The following PRUNE2 variants were observed in gnomAD, a reference collection of about 807,000 sequenced individuals.
The protein encoded by PRUNE2 is protein prune homolog 2.
A neutral mutation model predicts 252.0 loss-of-function variants in PRUNE2; 164 were observed. The observed-to-expected ratio is 0.65, with a 90% confidence interval of 0.57 to 0.74. The LOEUF is 0.74. PRUNE2 is among the 30% of genes least tolerant of loss of function. PRUNE2 has a pLI of 0.00. For missense variants in PRUNE2, 3,495 were observed against 3,711.0 expected (o/e 0.94, Z 1.51); for synonymous variants, 1,292 against 1,350.2 (o/e 0.96, Z 0.94).
chr9:76,624,550 A>G, intron 16 of PRUNE2, 60 bp from the exon 17 acceptor site: 4 of 1,234,744 alleles, frequency 3.2e-6, no homozygotes, highest in Non-Finnish European at 4.3e-6. Context: ...GCACAGCATG[A>G]GACAGTCACT....
intron 7 of PRUNE2, among the ~76,000 whole-genome samples, chr9:76,712,327 C>T (rs955321107): frequency 2.0e-5 from 3 of 152,178 alleles, no homozygotes; most frequent in African/African-American, 7.2e-5. Flanking sequence ...ACACAGCTAA[C>T]AAGTGCTGGA....
At chr9:76,902,412 T>C (rs1314038953) in intron 1 of PRUNE2, among the ~76,000 whole-genome samples, 1 of 152,172 alleles carries the variant, frequency 6.6e-6, no homozygotes, top group Non-Finnish European at 1.5e-5. Flanking sequence ...CAACTCTGAA[T>C]GGGCAGGAGA....
chr9:76,733,109 T>A (rs2135447519), intron 6 of PRUNE2, among the ~76,000 whole-genome samples: 3 of 152,292 alleles, frequency 2.0e-5, no homozygotes, highest in Middle Eastern at 6.8e-3. Context: ...GAGATCGGTC[T>A]TCTGCCTGAG....
chr9:76,614,660 T>A, intron 18 of PRUNE2, 60 bp from the exon 19 acceptor site: 1 of 1,302,848 alleles, frequency 7.7e-7, no homozygotes, highest in South Asian at 1.2e-5. Context: ...CATTTAGTAA[T>A]GATTTGGGTA....
chr9:76,681,441 T>C lies in PRUNE2; in HGVS notation c.8276+21896A>G, dbSNP rs544221310. Among the ~76,000 whole-genome samples the C allele has an allele frequency of 7.7e-4, 112 of 146,186 alleles. 1 individual carries two copies. The South Asian group carries it at 8.9e-3, about 12-fold the overall frequency. ...GGTAAATTTTATGTTATGTGTTTCTTACCACGATTAAAAAAAAAAAAAAAA... is the reference window on the plus strand; with the variant it reads ...GGTAAATTTTATGTTATGTGTTTCTCACCACGATTAAAAAAAAAAAAAAAA... On this transcript the variant is annotated intron_variant, in intron 9 of 18. Transcript: ENST00000376718.
chr9:76,815,339 A>ATAAG (rs2057616469), intron 6 of PRUNE2, among the ~76,000 whole-genome samples: 1 of 152,362 alleles, frequency 6.6e-6, no homozygotes, highest in South Asian at 2.1e-4. Flanking sequence ...TGGGTAATGT[A>ATAAG]TAAGTAATAG....
At chr9:76,842,830 A>C (rs992377896) in intron 4 of PRUNE2, among the ~76,000 whole-genome samples, 4 of 152,170 alleles carry the variant, frequency 2.6e-5, no homozygotes, top group African/African-American at 9.7e-5. Context: ...GTAACAACAG[A>C]TGCTGGAGGG....
chr9:76,774,741 G>A (rs2053556045), intron 6 of PRUNE2, among the ~76,000 whole-genome samples: 1 of 152,038 alleles, frequency 6.6e-6, no homozygotes, highest in African/African-American at 2.4e-5. Flanking sequence ...TTACAAGTGT[G>A]AGCCACTAGG....
At chr9:76,650,986 T>C (rs113449609) in intron 11 of PRUNE2, among the ~76,000 whole-genome samples, 4,058 of 152,206 alleles carry the variant, frequency 0.027, 167 homozygotes, top group African/African-American at 0.09. Context: ...CAGGAGCTGG[T>C]AGGGGCAACT....
intron 10 of PRUNE2, among the ~76,000 whole-genome samples, chr9:76,654,786 A>T (rs1379676349): frequency 6.6e-6 from 1 of 152,208 alleles, no homozygotes; most frequent in Non-Finnish European, 1.5e-5. Flanking sequence ...CATTTCAAAT[A>T]CTACGACAGA....
At chr9:76,626,702 C>G (rs1374691283) in intron 16 of PRUNE2, among the ~76,000 whole-genome samples, 3 of 152,162 alleles carry the variant, frequency 2.0e-5, no homozygotes, top group Non-Finnish European at 4.4e-5. Flanking sequence ...TCTCTAAAAG[C>G]AACAGGTGTA....
At chr9:76,776,906 A>G (rs2053847156) in intron 6 of PRUNE2, among the ~76,000 whole-genome samples, 1 of 96,126 alleles carries the variant, frequency 1.0e-5, no homozygotes, top group African/African-American at 4.7e-5. Flanking sequence ...ACACACACAC[A>G]CACACACACA....
chr9:76,861,384 T>C (rs928440233), intron 1 of PRUNE2, among the ~76,000 whole-genome samples: 1 of 152,212 alleles, frequency 6.6e-6, no homozygotes, highest in Non-Finnish European at 1.5e-5. Context: ...GATGTAATTA[T>C]GAGAAATTTA....
chr9:76,848,545 AC>A (rs2059788815), intron 3 of PRUNE2, among the ~76,000 whole-genome samples: 1 of 152,262 alleles, frequency 6.6e-6, no homozygotes. Context: ...AAAGTTAAAT[AC>A]AAAATTATTA....
At chr9:76,794,227 T>C (rs758415451) in intron 6 of PRUNE2, among the ~76,000 whole-genome samples, 7 of 152,112 alleles carry the variant, frequency 4.6e-5, no homozygotes, top group Non-Finnish European at 8.8e-5. Flanking sequence ...AATAAATAAA[T>C]ATGCTGATAT....
At chr9:76,751,685 C>T (rs764811417) in intron 6 of PRUNE2, among the ~76,000 whole-genome samples, 7 of 152,072 alleles carry the variant, frequency 4.6e-5, no homozygotes, top group Non-Finnish European at 8.8e-5. Flanking sequence ...AACCTCTCAC[C>T]GAAAATACTA....
At chr9:76,886,681 TCACTCC>T (rs2062120246) in intron 1 of PRUNE2, among the ~76,000 whole-genome samples, 1 of 152,202 alleles carries the variant, frequency 6.6e-6, no homozygotes, top group African/African-American at 2.4e-5. Context: ...TAAAGGATTT[TCACTCC>T]ACACAATGAC....
chr9:76,685,044 G>A (rs939938063), intron 9 of PRUNE2, among the ~76,000 whole-genome samples: 2 of 152,058 alleles, frequency 1.3e-5, no homozygotes, highest in African/African-American at 2.4e-5. Flanking sequence ...GAGCCACCGC[G>A]CCCGGCCACT....
At chr9:76,774,453 T>TTTTTATGTATTTATTTATTTATTTA (rs1554761597) in intron 6 of PRUNE2, among the ~76,000 whole-genome samples, 3 of 122,224 alleles carry the variant, frequency 2.5e-5, no homozygotes, top group Non-Finnish European at 5.4e-5. Context: ...TTCAACCCTT[T>TTTTTATGTATTTATTTATTTATTTA]TTTTTTTTTT....
Sources: gnomAD v4.1 joint callset for allele counts (sites outside exome capture counted in the v4.1 genomes callset) on GRCh38, gnomAD v4.1.1 for gene constraint, MANE v1.5 for transcripts, NCBI Gene and HGNC (gene_info 2026-07-23, HGNC 2026-07-21) for gene names.